VEGFC: variants seen among roughly 807,000 people sequenced by gnomAD.
VEGFC encodes the protein FLT4 ligand DHM.
Under a neutral mutation model 46.1 loss-of-function variants are expected in VEGFC, and 12 were observed. The ratio of observed to expected loss-of-function variants is 0.26; its 90% CI spans 0.17 to 0.42. VEGFC has a LOEUF of 0.42. VEGFC is among the 10% of genes least tolerant of loss of function. VEGFC has a pLI of 1.00. For missense variants in VEGFC, 488 were observed against 529.4 expected, an observed-to-expected ratio of 0.92 and a Z score of 0.77; for synonymous variants, 232 against 195.5, an observed-to-expected ratio of 1.19 and a Z score of -1.56.
chr4:176,694,467 A>C (rs1468431510), intron 4 of VEGFC, among the ~76,000 whole-genome samples: 8,206 of 148,916 alleles, frequency 0.055, 287 homozygotes, highest in Non-Finnish European at 0.079. Flanking sequence ...CAGGAGCACC[A>C]AGATTCATAA....
intron 1 of VEGFC, among the ~76,000 whole-genome samples, chr4:176,749,956 C>T (rs564153646): frequency 6.6e-6 from 1 of 151,484 alleles, no homozygotes; most frequent in East Asian, 1.9e-4. Flanking sequence ...CACTGAATTA[C>T]TGAAAATTAC....
At chr4:176,712,814 A>G (rs1734640075) in intron 3 of VEGFC, among the ~76,000 whole-genome samples, 1 of 152,256 alleles carries the variant, frequency 6.6e-6, no homozygotes, top group South Asian at 2.1e-4. Context: ...TATGTAAATT[A>G]TAAAATGCAT....
intron 1 of VEGFC, among the ~76,000 whole-genome samples, chr4:176,748,504 A>C (rs1385065368): frequency 2.0e-5 from 3 of 152,142 alleles, no homozygotes; most frequent in African/African-American, 7.2e-5. Context: ...ATACAGCATA[A>C]ATATAGAAAC....
At chr4:176,727,568 G>C (rs572515577) in intron 3 of VEGFC, among the ~76,000 whole-genome samples, 1 of 152,232 alleles carries the variant, frequency 6.6e-6, no homozygotes, top group Admixed American at 6.5e-5. Flanking sequence ...AGTTTGCAAA[G>C]TAATAAAGCA....
chr4:176,746,144 A>G (rs1303116333), intron 1 of VEGFC, among the ~76,000 whole-genome samples: 1 of 152,038 alleles, frequency 6.6e-6, no homozygotes, highest in East Asian at 1.9e-4. Flanking sequence ...CATTTTCAAA[A>G]ATGAGACAAG....
intron 1 of VEGFC, among the ~76,000 whole-genome samples, chr4:176,740,569 T>C (rs567616980): frequency 6.8e-6 from 1 of 146,620 alleles, no homozygotes; most frequent in African/African-American, 2.5e-5. Context: ...ATTCTATATA[T>C]AGAGAGAGAA....
intron 1 of VEGFC, among the ~76,000 whole-genome samples, chr4:176,737,990 T>C (rs913994548): frequency 1.3e-5 from 2 of 151,730 alleles, no homozygotes; most frequent in African/African-American, 4.8e-5. Flanking sequence ...CTAATACAGC[T>C]AACAAGGGAA....
At chr4:176,747,153 T>C (rs1057278317) in intron 1 of VEGFC, among the ~76,000 whole-genome samples, 16 of 152,022 alleles carry the variant, frequency 1.1e-4, no homozygotes, top group Non-Finnish European at 4.4e-5. Context: ...AATCTAACAG[T>C]GTAGTTATAT....
intron 4 of VEGFC, among the ~76,000 whole-genome samples, chr4:176,697,120 CAA>C (rs1267835790): frequency 1.3e-5 from 2 of 151,986 alleles, no homozygotes; most frequent in African/African-American, 2.4e-5. Context: ...CAACAAAAGA[CAA>C]AATTGATAAA....
At chr4:176,789,322 C>G (rs1310376202) in intron 1 of VEGFC, among the ~76,000 whole-genome samples, 1 of 152,208 alleles carries the variant, frequency 6.6e-6, no homozygotes, top group South Asian at 2.1e-4. Flanking sequence ...CCACTAAGAT[C>G]AGTAATTAAC....
intron 1 of VEGFC, among the ~76,000 whole-genome samples, chr4:176,787,863 CTA>C (rs564414886): frequency 1.2e-3 from 183 of 152,264 alleles, no homozygotes; most frequent in Middle Eastern, 6.8e-3. Flanking sequence ...AAGTTCTCTG[CTA>C]TATCTGTTTT....
At chr4:176,720,504 G>A (rs188334352) in intron 3 of VEGFC, among the ~76,000 whole-genome samples, 2 of 152,202 alleles carry the variant, frequency 1.3e-5, no homozygotes, top group African/African-American at 4.8e-5. Flanking sequence ...ATTGTTCAGT[G>A]TAACAAGCAG....
chr4:176,684,970 G>A (rs1434082109), intron 6 of VEGFC, among the ~76,000 whole-genome samples: 1 of 152,158 alleles, frequency 6.6e-6, no homozygotes, highest in African/African-American at 2.4e-5. Flanking sequence ...CAAGTGATCT[G>A]CCCGCCTTGG....
chr4:176,684,820 G>T lies in VEGFC; in HGVS notation c.1146-780C>A, dbSNP rs753360983. ...AGCTTACTGCAACCTCCGCCTCCTGGGCTCAAGCCATTCTTGTGTCTCAGC... is the reference window on the plus strand; with the variant it reads ...AGCTTACTGCAACCTCCGCCTCCTGTGCTCAAGCCATTCTTGTGTCTCAGC... On this transcript the variant is annotated intron_variant, in intron 6 of 6. Coordinates refer to ENST00000618562, the MANE Select transcript of VEGFC (RefSeq NM_005429.5). Among the ~76,000 whole-genome samples, 5 of 152,162 alleles carry T rather than the reference G, an allele frequency of 3.3e-5. No individual in the cohort carries two copies. In the South Asian group the frequency reaches 6.2e-4, roughly 19 times the overall value.
intron 1 of VEGFC, among the ~76,000 whole-genome samples, chr4:176,783,585 C>T (rs550706009): frequency 6.6e-6 from 1 of 152,262 alleles, no homozygotes; most frequent in African/African-American, 2.4e-5. Flanking sequence ...AAATCCTTTA[C>T]AGCCAAATGA....
intron 4 of VEGFC, among the ~76,000 whole-genome samples, chr4:176,704,176 C>A (rs1436535286): frequency 6.6e-6 from 1 of 152,102 alleles, no homozygotes; most frequent in African/African-American, 2.4e-5. Flanking sequence ...CTGATTGCTT[C>A]TTCTCAGTCT....
At chr4:176,692,038 G>A (rs559589863) in intron 4 of VEGFC, among the ~76,000 whole-genome samples, 11,875 of 151,128 alleles carry the variant, frequency 0.079, 1,518 homozygotes, top group African/African-American at 0.27. Flanking sequence ...AAGGGGTGAG[G>A]GGCAGCACCT....
chr4:176,729,735 G>A lies in VEGFC; in HGVS notation c.159C>T (p.Ser53=). The change falls in exon 2 of 7, where the codon AGC becomes AGT. Residue 53 remains serine (S), a synonymous_variant. Transcript: ENST00000618562. The part of the protein sequence containing the change: ...PDAGEATAYA[S]KDLEEQLRSV... The stretch of plus-strand genomic sequence containing the variant: ...ACCGTAACTGCTCCTCCAGATCTTT[G>A]CTTGCATAAGCCTGTCAAAGAAAAA... The A allele has an allele frequency of 6.3e-7, 1 of 1,590,622 alleles. No homozygotes were observed. The highest frequency in any genetic ancestry group is 8.6e-7 in the Non-Finnish European group (1 of 1,168,778).
intron 4 of VEGFC, among the ~76,000 whole-genome samples, chr4:176,698,033 T>G (rs1014056329): frequency 6.6e-6 from 1 of 151,886 alleles, no homozygotes; most frequent in African/African-American, 2.4e-5. Flanking sequence ...TACCTAATGG[T>G]AGATGACAAG....
Sources: gnomAD v4.1 joint callset for allele counts (sites outside exome capture counted in the v4.1 genomes callset) on GRCh38, gnomAD v4.1.1 for gene constraint, MANE v1.5 for transcripts, NCBI Gene and HGNC (gene_info 2026-07-23, HGNC 2026-07-21) for gene names.